Variants in PPFIBP1 observed in about 807,000 individuals in gnomAD.
PPFIBP1 encodes PPFIB scaffold protein 1.
In PPFIBP1, 112 loss-of-function variants were observed where a neutral mutation model predicts 137.8. The ratio of observed to expected loss-of-function variants is 0.81; its 90% CI spans 0.70 to 0.95. The LOEUF (loss-of-function observed/expected upper bound fraction) is 0.95. Among genes scored for constraint, PPFIBP1 ranks in the 40% least tolerant of loss-of-function variants. The pLI is 0.00. For synonymous variants in PPFIBP1, 378 were observed against 417.3 expected (o/e 0.91, Z 1.15); for missense variants, 1,083 against 1,196.6 (o/e 0.91, Z 1.40).
chr12:27,658,716 G>T lies in PPFIBP1; in HGVS notation c.812-100G>T, dbSNP rs10771354. ...AAAGTTTTTATGAGGTTAGATTTCC[G>T]TTATTTTAGGTAAAAAGAGACTAAA... is the stretch of plus-strand genomic sequence containing the variant. On this transcript the variant is annotated intron_variant, in intron 9 of 29. Coordinates refer to ENST00000228425, the MANE Select transcript of PPFIBP1 (RefSeq NM_003622.4). 0.84 allele frequency: 1,107,197 copies of T among 1,323,326 alleles called. 464,621 individuals carry two copies. Among genetic ancestry groups the T allele is most frequent in the East Asian group, 1 (42,442 of 42,466 alleles). 82.0% of individuals were successfully genotyped at this position (1,323,326 alleles called of 1,614,324 possible).
At chr12:27,591,693 T>C (rs1288922977) in intron 2 of PPFIBP1, among the ~76,000 whole-genome samples, 1 of 152,180 alleles carries the variant, frequency 6.6e-6, no homozygotes, top group Non-Finnish European at 1.5e-5. Flanking sequence ...GTGAGGTATG[T>C]ATTATTATCT....
At chr12:27,629,959 A>G (rs928786185) in intron 2 of PPFIBP1, among the ~76,000 whole-genome samples, 3 of 152,194 alleles carry the variant, frequency 2.0e-5, no homozygotes, top group Non-Finnish European at 4.4e-5. Flanking sequence ...GTGGCCTTGC[A>G]TATATGCCTT....
chr12:27,649,873 A>G, intron 6 of PPFIBP1, 137 bp from the exon 7 acceptor site: 1 of 807,830 alleles, frequency 1.2e-6, no homozygotes, highest in Non-Finnish European at 1.8e-6. Context: ...ATTTTTTAAA[A>G]GTGTGTAGAT....
At chr12:27,576,309 A>T (rs1179725131) in intron 1 of PPFIBP1, among the ~76,000 whole-genome samples, 1 of 152,222 alleles carries the variant, frequency 6.6e-6, no homozygotes, top group Non-Finnish European at 1.5e-5. Flanking sequence ...AACCTTGCAC[A>T]TGGAATTCCC....
At chr12:27,673,958 G>A in intron 16 of PPFIBP1, 131 bp downstream of exon 16, 2 of 857,684 alleles carry the variant, frequency 2.3e-6, no homozygotes, top group East Asian at 2.6e-5. Flanking sequence ...AAAATTATTA[G>A]ATGTTAGGTT....
At chr12:27,548,964 G>A (rs1405206270) in intron 1 of PPFIBP1, 1 of 152,188 alleles carries the variant, frequency 6.6e-6, no homozygotes. Context: ...TTCAGAAACT[G>A]AAGAGAGTCA....
chr12:27,537,214 C>A (rs1945128403), intron 1 of PPFIBP1, among the ~76,000 whole-genome samples: 1 of 152,136 alleles, frequency 6.6e-6, no homozygotes, highest in East Asian at 1.9e-4. Context: ...TCACTACAAC[C>A]TCTGCCTCCC....
chr12:27,540,122 A>T (rs1945485315), intron 1 of PPFIBP1, among the ~76,000 whole-genome samples: 1 of 148,674 alleles, frequency 6.7e-6, no homozygotes, highest in Non-Finnish European at 1.5e-5. Flanking sequence ...GAGTGATGTG[A>T]TTATAGCTTA....
intron 1 of PPFIBP1, among the ~76,000 whole-genome samples, chr12:27,561,612 T>C (rs2049168568): frequency 6.6e-6 from 1 of 152,184 alleles, no homozygotes; most frequent in African/African-American, 2.4e-5. Flanking sequence ...ACAGAAGTTA[T>C]GCATGGTCTC....
chr12:27,655,777 T>A (rs1167299426), intron 8 of PPFIBP1, among the ~76,000 whole-genome samples: 1 of 152,206 alleles, frequency 6.6e-6, no homozygotes, highest in Non-Finnish European at 1.5e-5. Context: ...AACTACATCT[T>A]CTCATAGTAC....
chr12:27,610,904 A>G (rs575294020), intron 2 of PPFIBP1, among the ~76,000 whole-genome samples: 4 of 149,374 alleles, frequency 2.7e-5, no homozygotes, highest in African/African-American at 9.9e-5. Context: ...TTTTGTATCT[A>G]TGGAAGTGCC....
At chr12:27,644,023 G>A (rs901018112) in intron 4 of PPFIBP1, among the ~76,000 whole-genome samples, 48 of 151,124 alleles carry the variant, frequency 3.2e-4, no homozygotes, top group African/African-American at 1.1e-3. Flanking sequence ...TAGCTTGGGA[G>A]GAAACATTGC....
intron 2 of PPFIBP1, among the ~76,000 whole-genome samples, chr12:27,600,340 G>A (rs887952366): frequency 1.4e-4 from 22 of 151,876 alleles, no homozygotes; most frequent in African/African-American, 5.1e-4. Context: ...GGAGGCTAAG[G>A]CAGGGGAATC....
chr12:27,649,608 T>C (rs2139597493), intron 6 of PPFIBP1, among the ~76,000 whole-genome samples: 1 of 152,268 alleles, frequency 6.6e-6, no homozygotes, highest in Non-Finnish European at 1.5e-5. Context: ...TGGAGTGCAA[T>C]GGTGCGATCT....
intron 1 of PPFIBP1, among the ~76,000 whole-genome samples, chr12:27,559,195 G>A (rs952011460): frequency 2.1e-5 from 3 of 145,526 alleles, no homozygotes; most frequent in Non-Finnish European, 3.0e-5. Flanking sequence ...TTTTTTAGAC[G>A]GAGTCTCGCT....
At position 27,677,055 on chromosome 12, in the gene PPFIBP1, T is replaced by C. The variant is rs531772173; in HGVS notation, c.1583-9T>C. 8.1e-6 allele frequency: 13 copies of C among 1,614,208 alleles called. No individual in the cohort carries two copies. In the African/African-American group the frequency reaches 1.5e-4, roughly 18 times the overall value. ...CGTGTGATTGTGTGCGTTGTTGGGA[T>C]ATCTGAAGATCGTAAACGAAGTGCC... On this transcript the variant is annotated splice_polypyrimidine_tract_variant and intron_variant, in intron 18 of 29. Coordinates refer to ENST00000228425, the MANE Select transcript of PPFIBP1 (RefSeq NM_003622.4).
chr12:27,676,755 G>A, intron 18 of PPFIBP1, 156 bp downstream of exon 18: 1 of 760,054 alleles, frequency 1.3e-6, no homozygotes, highest in Non-Finnish European at 2.1e-6. Context: ...TGCCTCCGTG[G>A]ATTTAATTTA....
intron 2 of PPFIBP1, among the ~76,000 whole-genome samples, chr12:27,620,010 T>C (rs1176906941): frequency 1.3e-5 from 2 of 152,236 alleles, no homozygotes; most frequent in Non-Finnish European, 2.9e-5. Flanking sequence ...TATGTGTGTA[T>C]TCACACATAC....
intron 1 of PPFIBP1, among the ~76,000 whole-genome samples, chr12:27,550,378 C>G (rs140087756): frequency 5.5e-4 from 84 of 152,312 alleles, no homozygotes; most frequent in Non-Finnish European, 1.1e-3. Context: ...ACATGTTAAC[C>G]TAGAATGGAT....
Sources: gnomAD v4.1 joint callset for allele counts (sites outside exome capture counted in the v4.1 genomes callset) on GRCh38, gnomAD v4.1.1 for gene constraint, MANE v1.5 for transcripts, NCBI Gene and HGNC (gene_info 2026-07-23, HGNC 2026-07-21) for gene names.